Variants in LCOR observed in about 807,000 individuals in gnomAD.
LCOR encodes the protein ligand-dependent corepressor.
A neutral mutation model predicts 64.4 loss-of-function variants in LCOR; 14 were observed. The ratio of observed to expected loss-of-function variants is 0.22; its 90% CI spans 0.14 to 0.34. LCOR has a LOEUF of 0.34. Among genes scored for constraint, LCOR ranks in the 10% least tolerant of loss-of-function variants. The pLI, the probability that LCOR is intolerant of heterozygous loss-of-function variation, is 1.00. For missense variants in LCOR, 1,686 were observed against 1,765.3 expected, an observed-to-expected ratio of 0.96 and a Z score of 0.80; for synonymous variants, 643 against 642.5, an observed-to-expected ratio of 1.00 and a Z score of -0.01.
At chr10:96,948,511 A>G (rs1847624124) in intron 5 of LCOR, among the ~76,000 whole-genome samples, 1 of 152,250 alleles carries the variant, frequency 6.6e-6, no homozygotes, top group Non-Finnish European at 1.5e-5. Context: ...CTAGCCTAAA[A>G]TGGATCTTAA....
At chr10:96,875,099 A>C (rs1846140846) in intron 2 of LCOR, among the ~76,000 whole-genome samples, 1 of 151,788 alleles carries the variant, frequency 6.6e-6, no homozygotes, top group East Asian at 1.9e-4. Flanking sequence ...ATCTAGTCTA[A>C]AATGGCCAGG....
intron 4 of LCOR, among the ~76,000 whole-genome samples, chr10:96,936,645 T>TA (rs777413082): frequency 6.6e-6 from 1 of 152,178 alleles, no homozygotes; most frequent in South Asian, 2.1e-4. Context: ...GTTACAAACT[T>TA]ACCAATACTG....
intron 2 of LCOR, among the ~76,000 whole-genome samples, chr10:96,905,554 A>G (rs941898778): frequency 1.3e-5 from 2 of 152,134 alleles, no homozygotes; most frequent in African/African-American, 4.8e-5. Flanking sequence ...AATAGGCAGT[A>G]TCTAGCATTT....
intron 4 of LCOR, among the ~76,000 whole-genome samples, chr10:96,924,010 T>C (rs959573965): frequency 3.3e-5 from 5 of 152,208 alleles, no homozygotes; most frequent in African/African-American, 4.8e-5. Context: ...TCTCGAGATA[T>C]TAAGAGAAGT....
rs1287474292 is a variant in LCOR, at chr10:96,983,947, G to C, written c.3487G>C (p.Glu1163Gln). The C allele has an allele frequency of 6.2e-7, 1 of 1,614,170 alleles. No homozygotes were observed. Among genetic ancestry groups the C allele is most frequent in the Non-Finnish European group, 8.5e-7 (1 of 1,180,032 alleles). ...KRSRKCRSSL[E>Q]SQKCSPVQML... is the part of the protein sequence containing the mutation. ...GTCACGGAAATGTAGGAGTTCATTG[G>C]AGAGTCAGAAGTGTTCTCCTGTTCA... The change falls in exon 8 of 8, where the codon GAG (glutamate) becomes CAG (glutamine). Residue 1163 changes from glutamate (E) to glutamine (Q), a missense_variant. Physicochemically the swap from Glu to Gln is conservative, Grantham distance 29 (BLOSUM62 2). Around this residue, in one of 3 missense-constraint regions of LCOR, gnomAD observed 1,293 missense variants for 1,410.4 expected, o/e 0.92. Transcript: ENST00000421806. This position sits in a 1 kb window ranked among gnomAD's most constrained non-coding sequence, Gnocchi z 4.5.
In LCOR at chr10:96,984,378, T is replaced by C. The variant is rs377557529; in HGVS notation, c.3918T>C (p.Ser1306=). 1 of 1,614,146 alleles carries C rather than the reference T, an allele frequency of 6.2e-7. No homozygotes were observed. Among genetic ancestry groups the C allele is most frequent in the Non-Finnish European group, 8.5e-7 (1 of 1,180,034 alleles). The change falls in exon 8 of 8, where the codon AGT becomes AGC. Residue 1306 remains serine, a synonymous_variant. Coordinates refer to ENST00000421806, the MANE Select transcript of LCOR (RefSeq NM_001346516.2). The part of the protein sequence containing the change: ...HPPANLPTPA[S]TRILRKYSNI... ...CAGCAAACCTGCCCACTCCAGCCAG[T>C]ACCCGGATTCTTAGAAAATATTCCA...
chr10:96,958,373 TC>T, intron 7 of LCOR: 1 of 1,531,450 alleles, frequency 6.5e-7, no homozygotes, highest in Non-Finnish European at 8.8e-7. Flanking sequence ...CATGGAGTGA[TC>T]ATTTTACTAA....
intron 2 of LCOR, among the ~76,000 whole-genome samples, chr10:96,895,606 G>A (rs974345121): frequency 2.6e-5 from 4 of 152,138 alleles, no homozygotes; most frequent in African/African-American, 9.7e-5. Context: ...TCCTCACCGT[G>A]GACTGTATGA....
At position 96,991,786 on chromosome 10, in the gene LCOR, C is replaced by G. The variant is rs1048198951; in HGVS notation, c.*6652C>G. 3 of 152,246 alleles carry G rather than the reference C, an allele frequency of 2.0e-5. No homozygotes were observed. Among genetic ancestry groups the G allele is most frequent in the Non-Finnish European group, 4.4e-5 (3 of 68,062 alleles). 9.4% of individuals were successfully genotyped at this position (152,246 alleles called of 1,614,324 possible). On this transcript the variant is annotated 3_prime_UTR_variant, in exon 8 of 8. Coordinates refer to ENST00000421806, the MANE Select transcript of LCOR (RefSeq NM_001346516.2). ...CGAGTCACTGCTCGTTCTGAGGAGCCATCCTTGGCACCTTGCCCTCCCTCC... is the reference window on the plus strand; with the variant it reads ...CGAGTCACTGCTCGTTCTGAGGAGCGATCCTTGGCACCTTGCCCTCCCTCC...
intron 4 of LCOR, among the ~76,000 whole-genome samples, chr10:96,938,116 G>A (rs1363169481): frequency 6.6e-6 from 1 of 151,794 alleles, no homozygotes; most frequent in Non-Finnish European, 1.5e-5. Context: ...ATGCCCAGCT[G>A]TTAATAATTT....
chr10:96,962,573 G>C (rs913006944), intron 7 of LCOR: 1 of 152,098 alleles, frequency 6.6e-6, no homozygotes, highest in Non-Finnish European at 1.5e-5. Context: ...ATAGCAAAGT[G>C]TTTGATTAAA....
chr10:96,932,189 T>A (rs934522586), intron 4 of LCOR, among the ~76,000 whole-genome samples: 1 of 152,192 alleles, frequency 6.6e-6, no homozygotes, highest in Non-Finnish European at 1.5e-5. Context: ...GACGATAGAT[T>A]TGAAAAATAA....
At chr10:96,872,268 A>G (rs772468532) in intron 2 of LCOR, among the ~76,000 whole-genome samples, 21 of 152,248 alleles carry the variant, frequency 1.4e-4, no homozygotes, top group Non-Finnish European at 2.9e-5. Flanking sequence ...GGAAATTTCA[A>G]ATATACCATC....
chr10:96,908,994 C>T (rs1173031059), intron 4 of LCOR, among the ~76,000 whole-genome samples: 4 of 152,230 alleles, frequency 2.6e-5, no homozygotes, highest in Middle Eastern at 3.4e-3. Flanking sequence ...GGATTACAGG[C>T]GTGAGCCACC....
At chr10:96,919,531 CTATCTTAACCATATTTAG>C (rs1353099197) in intron 4 of LCOR, among the ~76,000 whole-genome samples, 6 of 152,048 alleles carry the variant, frequency 3.9e-5, no homozygotes, top group Admixed American at 3.3e-4. Flanking sequence ...ATAACATTTA[CTATCTTAACCATATTTAG>C]GTGTACAAGA....
At position 96,992,203 on chromosome 10, in the gene LCOR, C is replaced by T. The variant is rs1334857033; in HGVS notation, c.*7069C>T. The T allele has an allele frequency of 1.3e-5, 2 of 152,018 alleles. No homozygotes were observed. Among genetic ancestry groups the T allele is most frequent in the African/African-American group, 4.8e-5 (2 of 41,386 alleles). 9.4% of individuals were successfully genotyped at this position (152,018 alleles called of 1,614,324 possible). A position where few individuals can be genotyped will look rare whatever the true frequency, so the allele number is the denominator to read the frequency against. ...TGGTTTCTGCATTCTAAATAGTTCTCGGAGACTGTGTTAGTAACTGGTTTC... is the reference window on the plus strand; with the variant it reads ...TGGTTTCTGCATTCTAAATAGTTCTTGGAGACTGTGTTAGTAACTGGTTTC... On this transcript the variant is annotated 3_prime_UTR_variant, in exon 8 of 8. Transcript: ENST00000421806.
Position 96,891,607 on chromosome 10 carries a change from A to G in LCOR, c.-329-15658A>G, listed in dbSNP as rs1030355828. Among the ~76,000 whole-genome samples, 3 of 115,350 alleles carry G rather than the reference A, an allele frequency of 2.6e-5. No homozygotes were observed. The East Asian group carries it at 8.8e-4, about 34-fold the overall frequency. 75.7% of individuals were successfully genotyped at this position (115,350 alleles called of 152,430 possible). A position where few individuals can be genotyped will look rare whatever the true frequency, so the allele number is the denominator to read the frequency against. Reference sequence around the variant, plus strand: ...GCCCACACTGGAGTGCAGTGGTGTCATTTCTGTTCACTGCAACTTCTGCCT... The same window carrying G: ...GCCCACACTGGAGTGCAGTGGTGTCGTTTCTGTTCACTGCAACTTCTGCCT... On this transcript the variant is annotated intron_variant, in intron 2 of 7. Transcript: ENST00000421806.
chr10:96,924,101 A>G (rs1383482180), intron 4 of LCOR, among the ~76,000 whole-genome samples: 1 of 152,182 alleles, frequency 6.6e-6, no homozygotes, highest in African/African-American at 2.4e-5. Flanking sequence ...CTGTACCACA[A>G]GCAAATATAA....
intron 7 of LCOR, among the ~76,000 whole-genome samples, chr10:96,972,329 A>G (rs1848006120): frequency 6.6e-6 from 1 of 152,016 alleles, no homozygotes; most frequent in Non-Finnish European, 1.5e-5. Flanking sequence ...TAGATTTTGC[A>G]TAGTCTTACC....
Sources: gnomAD v4.1 joint callset for allele counts (sites outside exome capture counted in the v4.1 genomes callset) on GRCh38, gnomAD v4.1.1 for gene constraint, gnomAD v4.1.1 regional missense constraint, Gnocchi (gnomAD v3.1) non-coding constraint, MANE v1.5 for transcripts, NCBI Gene and HGNC (gene_info 2026-07-23, HGNC 2026-07-21) for gene names.